The following CECR2 variants were observed in gnomAD, a reference collection of about 807,000 sequenced individuals.
The protein encoded by CECR2 is CECR2 histone acetyl-lysine reader, also known as chromatin remodeling regulator CECR2.
A neutral mutation model predicts 154.5 loss-of-function variants in CECR2; 30 were observed. The observed-to-expected ratio is 0.19, with a 90% CI of 0.15 to 0.26. The LOEUF (loss-of-function observed/expected upper bound fraction) is 0.26, where lower values mean the gene tolerates loss of function less well. Ranked by LOEUF, CECR2 falls within the 10% of genes least tolerant of loss-of-function variation. CECR2 has a pLI of 1.00. For synonymous variants in CECR2, 725 were observed against 683.7 expected, an observed-to-expected ratio of 1.06 and a Z score of -0.94; for missense variants, 1,743 against 1,829.3, an observed-to-expected ratio of 0.95 and a Z score of 0.86.
intron 1 of CECR2, among the ~76,000 whole-genome samples, chr22:17,421,658 T>TG (rs1288378662): frequency 1.6e-5 from 2 of 125,090 alleles, no homozygotes; most frequent in Non-Finnish European, 3.2e-5. Context: ...CCAGGCATGG[T>TG]GGCAGGCGCC....
chr22:17,478,453 T>C (rs748643846), intron 2 of CECR2, among the ~76,000 whole-genome samples: 14 of 151,484 alleles, frequency 9.2e-5, no homozygotes, highest in Non-Finnish European at 1.8e-4. Context: ...CCTCCCAGGT[T>C]CACGCCATTC....
intron 1 of CECR2, among the ~76,000 whole-genome samples, chr22:17,457,154 A>G (rs565417546): frequency 5.3e-4 from 81 of 152,346 alleles, no homozygotes; most frequent in African/African-American, 1.8e-3. Context: ...CAACCTCCTG[A>G]GTAGCTGGAA....
chr22:17,401,828 A>ACCCCCCAC (rs2053897128), intron 1 of CECR2, among the ~76,000 whole-genome samples: 1 of 114,150 alleles, frequency 8.8e-6, no homozygotes, highest in African/African-American at 3.2e-5. Flanking sequence ...AATATTTAAC[A>ACCCCCCAC]CCCCCCCCCG....
intron 1 of CECR2, among the ~76,000 whole-genome samples, chr22:17,475,495 T>A (rs915122279): frequency 6.6e-6 from 1 of 152,148 alleles, no homozygotes; most frequent in Non-Finnish European, 1.5e-5. Flanking sequence ...GGTCTTGCTG[T>A]GTGGCCCAGG....
chr22:17,407,970 CTAA>C (rs1288983419), intron 1 of CECR2, among the ~76,000 whole-genome samples: 1 of 152,160 alleles, frequency 6.6e-6, no homozygotes, highest in Non-Finnish European at 1.5e-5. Context: ...CCTTTGGTGA[CTAA>C]TAATCTTGTC....
chr22:17,532,698 T>TTA, intron 9 of CECR2, among the ~76,000 whole-genome samples: 1 of 106,166 alleles, frequency 9.4e-6, no homozygotes, highest in Non-Finnish European at 2.0e-5. Context: ...TTCATTATTA[T>TTA]TCTTTTTTTT....
Position 17,553,166 on chromosome 22 carries a change from G to T in CECR2, c.*326G>T. ...TCAGGGAAAATCACTTTAAACTTGG[G>T]GGAGGGGGTATACTCAAGAATGGAG... On this transcript the variant is annotated 3_prime_UTR_variant, in exon 19 of 19. Transcript: ENST00000262608. 3.5e-6 allele frequency: 1 copy of T among 287,394 alleles called. No individual in the cohort carries two copies. Among genetic ancestry groups the T allele is most frequent in the Non-Finnish European group, 6.2e-6 (1 of 160,210 alleles). The allele number at this position is 287,394 out of a possible 1,614,324, so 17.8% of individuals were successfully genotyped here. A position where few individuals can be genotyped will look rare whatever the true frequency, so the allele number is the denominator to read the frequency against.
In CECR2 at chr22:17,542,448, G is replaced by A; in HGVS notation, c.2305G>A (p.Val769Ile). The change falls in exon 16 of 19, where the codon GTA becomes ATA. Residue 769 changes from valine (V) to isoleucine (I), a missense_variant. Physicochemically the swap from Val to Ile is conservative, Grantham distance 29. This residue lies in a region of CECR2 where 1,250 missense variants were observed against 1,192.1 expected (regional missense o/e 1.05). Transcript: ENST00000262608. ...MYRSYKYLNRVHSAVWNGNHG... is the reference protein window; with the variant it reads ...MYRSYKYLNRIHSAVWNGNHG... ...TCGATCGTACAAGTACCTGAATCGA[G>A]TACACTCTGCCGTCTGGAATGGGAA... 6.2e-7 allele frequency: 1 copy of A among 1,613,958 alleles called. No individual in the cohort carries two copies. The highest frequency in any genetic ancestry group is 1.3e-5 in the African/African-American group (1 of 75,030).
chr22:17,454,791 A>G (rs1436434981), intron 1 of CECR2, among the ~76,000 whole-genome samples: 1 of 152,136 alleles, frequency 6.6e-6, no homozygotes, highest in African/African-American at 2.4e-5. Flanking sequence ...AAGCATACCA[A>G]TCTGACCATT....
chr22:17,514,136 C>CT (rs1182324765), intron 8 of CECR2, among the ~76,000 whole-genome samples: 1 of 152,170 alleles, frequency 6.6e-6, no homozygotes, highest in African/African-American at 2.4e-5. Flanking sequence ...TGATAAAAGA[C>CT]TTTGAGTTGT....
intron 8 of CECR2, among the ~76,000 whole-genome samples, chr22:17,514,948 G>A (rs985872100): frequency 1.3e-5 from 2 of 151,708 alleles, no homozygotes; most frequent in Admixed American, 6.6e-5. Context: ...GCGTGAACCC[G>A]GGAGGCAGAG....
chr22:17,458,723 C>A (rs916790859), intron 1 of CECR2, among the ~76,000 whole-genome samples: 2 of 152,038 alleles, frequency 1.3e-5, no homozygotes, highest in Non-Finnish European at 2.9e-5. Flanking sequence ...ATTAAAGCTA[C>A]AGGGTTATTA....
In CECR2 at chr22:17,549,252, C is replaced by T. The variant is rs2056667110; in HGVS notation, c.3965C>T (p.Pro1322Leu). Residue 1322 changes from proline (P) to leucine (L), a missense_variant, in exon 17 of 19, where the codon CCT (proline) becomes CTT (leucine). Coordinates refer to ENST00000262608, the MANE Select transcript of CECR2 (RefSeq NM_001290047.2). ...LSASEYLYGT[P>L]PPLSSGMGFG... ...GCCAGCGAGTATCTCTATGGAACTC[C>T]TCCGCCTCTGAGTTCAGGAATGGGA... The T allele has an allele frequency of 6.2e-7, 1 of 1,614,052 alleles. No homozygotes were observed. The highest frequency in any genetic ancestry group is 8.5e-7 in the Non-Finnish European group (1 of 1,179,900).
At chr22:17,494,506 A>G (rs1292449513) in intron 2 of CECR2, among the ~76,000 whole-genome samples, 2 of 152,164 alleles carry the variant, frequency 1.3e-5, no homozygotes, top group African/African-American at 2.4e-5. Flanking sequence ...AGGTTCAAGC[A>G]CTCAGTAATG....
chr22:17,401,112 A>G (rs2053885289), intron 1 of CECR2, among the ~76,000 whole-genome samples: 1 of 152,106 alleles, frequency 6.6e-6, no homozygotes, highest in Non-Finnish European at 1.5e-5. Context: ...GACTTCTTCT[A>G]GAACAAGTGT....
At chr22:17,451,604 G>A (rs993175654) in intron 1 of CECR2, among the ~76,000 whole-genome samples, 5 of 152,022 alleles carry the variant, frequency 3.3e-5, no homozygotes, top group East Asian at 1.9e-4. Context: ...CCGTTCCTCC[G>A]AGCACCAGAG....
At chr22:17,368,624 C>T (rs1302107241), upstream of CECR2, among the ~76,000 whole-genome samples, 2 of 152,192 alleles carry the variant, frequency 1.3e-5, no homozygotes, top group South Asian at 2.1e-4. Flanking sequence ...GGTCTCCTCC[C>T]CTCCGAGCAC....
intron 2 of CECR2, among the ~76,000 whole-genome samples, chr22:17,492,541 T>G (rs746100625): frequency 7.2e-5 from 11 of 152,170 alleles, no homozygotes; most frequent in Non-Finnish European, 1.3e-4. Flanking sequence ...TTGGAAAGGT[T>G]GTTGACTCAT....
intron 5 of CECR2, among the ~76,000 whole-genome samples, chr22:17,501,543 G>A (rs951401480): frequency 4.0e-5 from 6 of 151,722 alleles, no homozygotes; most frequent in African/African-American, 1.5e-4. Context: ...GGGCGACACA[G>A]CGATACTCCA....
Sources: gnomAD v4.1 joint callset for allele counts (sites outside exome capture counted in the v4.1 genomes callset) on GRCh38, gnomAD v4.1.1 for gene constraint, gnomAD v4.1.1 regional missense constraint, MANE v1.5 for transcripts, NCBI Gene and HGNC (gene_info 2026-07-23, HGNC 2026-07-21) for gene names.